Variants in SAMMSON observed in about 807,000 individuals in gnomAD.
SAMMSON encodes the protein survival associated mitochondrial melanoma specific oncogenic non-coding RNA, also known as long intergenic non-protein coding RNA 1212.
rs1330562839 is a variant in SAMMSON, at chr3:70,027,091, C to A, written n.417+13419C>A. Among the ~76,000 whole-genome samples the A allele has an allele frequency of 2.6e-5, 4 of 152,244 alleles. No individual in the cohort carries two copies. In the East Asian group the frequency reaches 7.7e-4, roughly 29 times the overall value. On this transcript the variant is annotated intron_variant and non_coding_transcript_variant, in intron 3 of 9. Coordinates refer to ENST00000642114, the Ensembl canonical transcript of SAMMSON. ...GCAGATCACACTCCTGTTCATGATT[C>A]AGAACGTTGAGGCATTTTCATTTGC...
intron 4 of SAMMSON, among the ~76,000 whole-genome samples, chr3:70,208,382 C>A (rs536170615): frequency 1.3e-5 from 2 of 152,106 alleles, no homozygotes; most frequent in African/African-American, 2.4e-5. Flanking sequence ...CTTTATTTCC[C>A]TTTCCAAGGT....
chr3:70,194,185 G>A (rs759446727), intron 4 of SAMMSON, among the ~76,000 whole-genome samples: 1 of 152,154 alleles, frequency 6.6e-6, no homozygotes, highest in African/African-American at 2.4e-5. Context: ...GAAAAAAAAT[G>A]TCTGTTCCTC....
chr3:70,376,671 A>T (rs1314306129), intron 9 of SAMMSON, among the ~76,000 whole-genome samples: 1 of 152,146 alleles, frequency 6.6e-6, no homozygotes, highest in African/African-American at 2.4e-5. Flanking sequence ...GAGCATTTAC[A>T]TACTTTTCTC....
intron 4 of SAMMSON, among the ~76,000 whole-genome samples, chr3:70,245,670 T>TA (rs1701699649): frequency 2.9e-5 from 3 of 104,132 alleles, no homozygotes; most frequent in African/African-American, 4.2e-5. Flanking sequence ...TGCAAACTGC[T>TA]TTATATATAT....
At chr3:70,369,418 T>C (rs928763657) in intron 9 of SAMMSON, among the ~76,000 whole-genome samples, 1 of 151,940 alleles carries the variant, frequency 6.6e-6, no homozygotes, top group Admixed American at 6.6e-5. Flanking sequence ...AAATGCTTGT[T>C]GTTATTAATG....
At chr3:70,091,706 A>T (rs2067305449) in intron 4 of SAMMSON, among the ~76,000 whole-genome samples, 1 of 152,122 alleles carries the variant, frequency 6.6e-6, no homozygotes, top group South Asian at 2.1e-4. Context: ...TGACAGGCAA[A>T]TATTTGGTGA....
rs547287364 is a variant in SAMMSON at position 70,082,001 on chromosome 3, A to G, written n.507+10436A>G. ...TTGACACAAAGAGGGATGGGTTCAC[A>G]TCAGAGCTGTTGTGCAGGTGTAGTG... On this transcript the variant is annotated intron_variant and non_coding_transcript_variant, in intron 4 of 9. Coordinates refer to ENST00000642114, the Ensembl canonical transcript of SAMMSON. 2.6e-5 allele frequency among the ~76,000 whole-genome samples: 4 copies of G among 152,358 alleles called. No homozygotes were observed. The East Asian group carries it at 7.7e-4, about 29-fold the overall frequency.
At chr3:70,186,531 C>T (rs892519213) in intron 4 of SAMMSON, among the ~76,000 whole-genome samples, 1 of 151,992 alleles carries the variant, frequency 6.6e-6, no homozygotes, top group Non-Finnish European at 1.5e-5. Flanking sequence ...CCGCCTCTGC[C>T]CCCTCAAAGT....
chr3:70,427,109 A>G (rs1271138031), intron 2 of SAMMSON, among the ~76,000 whole-genome samples: 2 of 152,210 alleles, frequency 1.3e-5, no homozygotes, highest in Admixed American at 6.5e-5. Context: ...ATTGTGACTC[A>G]TGTAGTTAAT....
intron 6 of SAMMSON, among the ~76,000 whole-genome samples, chr3:70,252,026 C>A (rs1187756637): frequency 6.6e-6 from 1 of 152,182 alleles, no homozygotes; most frequent in African/African-American, 2.4e-5. Context: ...GCCTTCAATT[C>A]TGCATATGTG....
In SAMMSON at chr3:70,220,801, A is replaced by G. The variant is rs569952152; in HGVS notation, n.508-28306A>G. 5.9e-5 allele frequency among the ~76,000 whole-genome samples: 9 copies of G among 152,286 alleles called. No individual in the cohort carries two copies. In the South Asian group the frequency reaches 1.9e-3, roughly 32 times the overall value. On this transcript the variant is annotated intron_variant and non_coding_transcript_variant, in intron 4 of 9. Coordinates refer to ENST00000642114, the Ensembl canonical transcript of SAMMSON. The stretch of plus-strand genomic sequence containing the variant: ...ATTTCAGTCTCTCTGAAGCGTTCCT[A>G]GACTTGCACAAAAGAAGGTCATTTC...
At chr3:70,122,389 A>G (rs1339214149) in intron 4 of SAMMSON, among the ~76,000 whole-genome samples, 1 of 151,932 alleles carries the variant, frequency 6.6e-6, no homozygotes, top group East Asian at 1.9e-4. Flanking sequence ...GTGTGTGGAG[A>G]CGGGGTTTGG....
At position 70,087,395 on chromosome 3, in the gene SAMMSON, A is replaced by G. The variant is rs530714779; in HGVS notation, n.507+15830A>G. 2.7e-4 allele frequency among the ~76,000 whole-genome samples: 41 copies of G among 152,316 alleles called. 1 individual carries two copies. The highest frequency in any genetic ancestry group is 3.1e-4 in the Non-Finnish European group (21 of 68,028). The stretch of plus-strand genomic sequence containing the variant: ...AGCCAGTGCCATGCACTTTAGGTAC[A>G]TATTCTTGCCGACTTAGGGGTCTCA... On this transcript the variant is annotated intron_variant and non_coding_transcript_variant, in intron 4 of 9. Transcript: ENST00000642114.
At chr3:70,401,655 A>G (rs1220378590) in intron 2 of SAMMSON, among the ~76,000 whole-genome samples, 2 of 151,918 alleles carry the variant, frequency 1.3e-5, no homozygotes, top group Admixed American at 1.3e-4. Context: ...GCAATTCAAA[A>G]ACATTATTGA....
chr3:70,344,419 A>G (rs1256805892), intron 7 of SAMMSON, among the ~76,000 whole-genome samples: 1 of 152,078 alleles, frequency 6.6e-6, no homozygotes, highest in African/African-American at 2.4e-5. Context: ...TTCCCACTCC[A>G]TCCCCCTTCC....
At chr3:70,179,269 G>T (rs1576145411) in intron 4 of SAMMSON, among the ~76,000 whole-genome samples, 1 of 152,168 alleles carries the variant, frequency 6.6e-6, no homozygotes, top group African/African-American at 2.4e-5. Flanking sequence ...TTAAACCTTG[G>T]TTCCCCTTCT....
At chr3:70,181,621 G>T (rs1701053966) in intron 4 of SAMMSON, among the ~76,000 whole-genome samples, 1 of 152,132 alleles carries the variant, frequency 6.6e-6, no homozygotes, top group Non-Finnish European at 1.5e-5. Flanking sequence ...ACCATTGTGG[G>T]ACTGTTTATA....
intron 7 of SAMMSON, among the ~76,000 whole-genome samples, chr3:70,341,222 T>TA (rs1702708463): frequency 6.6e-6 from 1 of 152,094 alleles, no homozygotes. Context: ...TTGGCCCTGC[T>TA]ATGATTCCAT....
At chr3:70,037,868 G>A (rs1439940696) in intron 3 of SAMMSON, among the ~76,000 whole-genome samples, 1 of 152,148 alleles carries the variant, frequency 6.6e-6, no homozygotes, top group East Asian at 1.9e-4. Flanking sequence ...GGAATTGTCA[G>A]ATAAAGCTAA....
Sources: gnomAD v4.1 joint callset for allele counts (sites outside exome capture counted in the v4.1 genomes callset) on GRCh38, gnomAD v4.1.1 for gene constraint, MANE v1.5 for transcripts, NCBI Gene and HGNC (gene_info 2026-07-23, HGNC 2026-07-21) for gene names.